Variants in ITIH2 observed in about 807,000 individuals in gnomAD.
The protein encoded by ITIH2 is inter-alpha-trypsin inhibitor heavy chain 2, also known as inter-alpha-trypsin inhibitor heavy chain H2.
In ITIH2, 103 loss-of-function variants were observed where a neutral mutation model predicts 104.4. The ratio of observed to expected loss-of-function variants is 0.99; its 90% CI spans 0.84 to 1.16. The LOEUF is 1.16. Among genes scored for constraint, ITIH2 ranks in the 50% most tolerant of loss-of-function variants. ITIH2 has a pLI of 0.00. For synonymous variants in ITIH2, 436 were observed against 435.4 expected, an observed-to-expected ratio of 1.00 and a Z score of -0.02; for missense variants, 1,108 against 1,162.4, an observed-to-expected ratio of 0.95 and a Z score of 0.68.
intron 3 of ITIH2, among the ~76,000 whole-genome samples, chr10:7,708,228 A>G (rs1834765189): frequency 6.6e-6 from 1 of 152,210 alleles, no homozygotes; most frequent in South Asian, 2.1e-4. Flanking sequence ...GCAAAATCTA[A>G]TGGGTCTCAT....
chr10:7,707,283 T>C (rs761276045), intron 3 of ITIH2, 50 bp downstream of exon 3: 9 of 1,387,914 alleles, frequency 6.5e-6, no homozygotes, highest in Non-Finnish European at 7.2e-6. Context: ...CTGTTAATAA[T>C]TACCAGGAAA....
At chr10:7,719,152 G>C (rs1411965136) in intron 6 of ITIH2, among the ~76,000 whole-genome samples, 1 of 152,156 alleles carries the variant, frequency 6.6e-6, no homozygotes, top group African/African-American at 2.4e-5. Context: ...AATTAATCAC[G>C]ATGAAACTTT....
At chr10:7,745,706 AC>A (rs761406370) in intron 19 of ITIH2, among the ~76,000 whole-genome samples, 3 of 151,834 alleles carry the variant, frequency 2.0e-5, no homozygotes, top group Non-Finnish European at 4.4e-5. Context: ...TGACTGTGCC[AC>A]TGTGCTCCAG....
chr10:7,736,932 A>T (rs566106207), intron 15 of ITIH2, among the ~76,000 whole-genome samples: 1 of 152,286 alleles, frequency 6.6e-6, no homozygotes, highest in South Asian at 2.1e-4. Context: ...ATGCCAAAAC[A>T]TGCATACAGA....
At chr10:7,740,332 G>T (rs964886841) in intron 16 of ITIH2, among the ~76,000 whole-genome samples, 1 of 152,112 alleles carries the variant, frequency 6.6e-6, no homozygotes, top group Non-Finnish European at 1.5e-5. Context: ...CAACACTCCC[G>T]TCTCCTACCC....
intron 20 of ITIH2, among the ~76,000 whole-genome samples, chr10:7,747,892 T>C (rs1251714456): frequency 6.7e-6 from 1 of 150,220 alleles, no homozygotes; most frequent in Non-Finnish European, 1.5e-5. Flanking sequence ...GAGAGAGACC[T>C]GTCTCATAAA....
Position 7,749,490 on chromosome 10 carries a change from A to C in ITIH2, c.*156A>C, listed in dbSNP as rs1835217147. 3 of 569,626 alleles carry C rather than the reference A, an allele frequency of 5.3e-6. No homozygotes were observed. Among genetic ancestry groups the C allele is most frequent in the Non-Finnish European group, 9.1e-6 (3 of 330,730 alleles). The allele number at this position is 569,626 out of a possible 1,614,324, so 35.3% of individuals were successfully genotyped here. ...AGGGTGGTTTATAAAGCCTGTAAACACACCTAAGAAAATAAACATTTTACA... is the reference window on the plus strand; with the variant it reads ...AGGGTGGTTTATAAAGCCTGTAAACCCACCTAAGAAAATAAACATTTTACA... On this transcript the variant is annotated 3_prime_UTR_variant, in exon 21 of 21. Transcript: ENST00000358415.
At chr10:7,718,413 G>A (rs148951024) in intron 6 of ITIH2, among the ~76,000 whole-genome samples, 1 of 152,002 alleles carries the variant, frequency 6.6e-6, no homozygotes, top group African/African-American at 2.4e-5. Context: ...CGCATCTTTA[G>A]GGGGGGAGGC....
In ITIH2 at chr10:7,703,364, G is replaced by C; in HGVS notation, c.-71G>C. 1 of 1,009,008 alleles carries C rather than the reference G, an allele frequency of 9.9e-7. No homozygotes were observed. Among genetic ancestry groups the C allele is most frequent in the Non-Finnish European group, 1.6e-6 (1 of 630,702 alleles). 62.5% of individuals were successfully genotyped at this position (1,009,008 alleles called of 1,614,324 possible). A position where few individuals can be genotyped will look rare whatever the true frequency, so the allele number is the denominator to read the frequency against. On this transcript the variant is annotated 5_prime_UTR_variant, in exon 1 of 21. Transcript: ENST00000358415. Reference sequence around the variant, plus strand: ...CTCCTCTGCTGTTCCTTTGAACTTGGTTCAGTAGGAAGAAGTGATATCCTC... The same window carrying C: ...CTCCTCTGCTGTTCCTTTGAACTTGCTTCAGTAGGAAGAAGTGATATCCTC...
chr10:7,736,417 A>G (rs1160972804), intron 15 of ITIH2, among the ~76,000 whole-genome samples: 1 of 152,108 alleles, frequency 6.6e-6, no homozygotes, highest in Non-Finnish European at 1.5e-5. Context: ...TTGAACTTGT[A>G]TTTCCACTCC....
chr10:7,745,017 A>G, intron 19 of ITIH2, 54 bp downstream of exon 19: 4 of 1,516,540 alleles, frequency 2.6e-6, no homozygotes, highest in Non-Finnish European at 3.6e-6. Context: ...ATTCTTTAGC[A>G]GCTTTGGTTG....
chr10:7,739,695 C>G (rs916266467), intron 16 of ITIH2, among the ~76,000 whole-genome samples: 1 of 151,354 alleles, frequency 6.6e-6, no homozygotes, highest in East Asian at 1.9e-4. Flanking sequence ...GAGTTTGAGA[C>G]CAGCAAAAAA....
At chr10:7,709,901 T>C (rs113248191) in intron 4 of ITIH2, among the ~76,000 whole-genome samples, 10,664 of 152,242 alleles carry the variant, frequency 0.07, 388 homozygotes, top group Admixed American at 0.084. Flanking sequence ...TCGCCCAGGC[T>C]GGAGTGCAGT....
intron 19 of ITIH2, 84 bp from the exon 20 acceptor site, chr10:7,746,509 G>A (rs1336487465): frequency 1.7e-5 from 15 of 885,576 alleles, no homozygotes; most frequent in Admixed American, 1.1e-4. Flanking sequence ...AGGGAGGACC[G>A]AAAGGTAGCA....
intron 18 of ITIH2, 69 bp from the exon 19 acceptor site, chr10:7,744,722 G>T: frequency 1.5e-6 from 2 of 1,323,044 alleles, no homozygotes; most frequent in Non-Finnish European, 2.1e-6. Context: ...CATATTAGGG[G>T]TGAGAAGAAT....
intron 13 of ITIH2, 100 bp from the exon 14 acceptor site, chr10:7,732,237 CT>C: frequency 7.4e-7 from 1 of 1,355,592 alleles, no homozygotes. Context: ...CCTTCCATTT[CT>C]TTTTTATTCC....
intron 15 of ITIH2, among the ~76,000 whole-genome samples, chr10:7,736,463 T>A (rs1835056281): frequency 6.6e-6 from 1 of 152,184 alleles, no homozygotes; most frequent in Non-Finnish European, 1.5e-5. Context: ...TTGTAATATA[T>A]TTTTATGCTT....
chr10:7,740,308 G>T (rs952341229), intron 16 of ITIH2, among the ~76,000 whole-genome samples: 1 of 152,156 alleles, frequency 6.6e-6, no homozygotes, highest in Non-Finnish European at 1.5e-5. Flanking sequence ...CTCCATTGCT[G>T]GTAGCACTTT....
chr10:7,730,232 T>C (rs561263800), intron 12 of ITIH2, 99 bp downstream of exon 12: 11 of 908,256 alleles, frequency 1.2e-5, no homozygotes, highest in Admixed American at 5.0e-5. Context: ...TAACTCAAAA[T>C]GGTCATGATC....
Sources: allele counts gnomAD v4.1 joint callset (sites outside exome capture counted in the v4.1 genomes callset), GRCh38; gene constraint gnomAD v4.1.1; transcripts MANE v1.5; gene names NCBI Gene and HGNC (gene_info 2026-07-23, HGNC 2026-07-21).